The following SYT16 variants were observed in gnomAD, a reference collection of about 807,000 sequenced individuals.
SYT16 encodes the protein synaptotagmin 16, also known as synaptotagmin-16.
Under a neutral mutation model 61.4 loss-of-function variants are expected in SYT16, and 42 were observed. That is an observed-to-expected ratio of 0.68 (90% CI 0.53 to 0.89). SYT16 has a LOEUF of 0.89. Ranked by LOEUF, SYT16 falls within the 40% of genes least tolerant of loss-of-function variation. The pLI is 0.00. For missense variants in SYT16, 804 were observed against 807.3 expected (o/e 1.00, Z 0.05); for synonymous variants, 314 against 302.3 (o/e 1.04, Z -0.40).
chr14:61,841,557 GC>G (rs1289609594), intron 1 of SYT16, among the ~76,000 whole-genome samples: 1 of 152,120 alleles, frequency 6.6e-6, no homozygotes, highest in Non-Finnish European at 1.5e-5. Flanking sequence ...GGGTATATGT[GC>G]CTGTTACATG....
At chr14:62,098,753 TGCAGACAAATAG>T (rs1455369934) in intron 7 of SYT16, among the ~76,000 whole-genome samples, 2 of 152,220 alleles carry the variant, frequency 1.3e-5, no homozygotes, top group Non-Finnish European at 1.5e-5. Context: ...ACTGCATCTT[TGCAGACAAATAG>T]GCAGCGATAA....
intron 1 of SYT16, among the ~76,000 whole-genome samples, chr14:61,906,428 A>G (rs544974122): frequency 6.6e-6 from 1 of 152,248 alleles, no homozygotes; most frequent in Non-Finnish European, 1.5e-5. Flanking sequence ...GAATATTCTT[A>G]GGGCTCTGTA....
chr14:62,003,091 A>G (rs1271503594), intron 3 of SYT16, among the ~76,000 whole-genome samples: 1 of 152,080 alleles, frequency 6.6e-6, no homozygotes, highest in African/African-American at 2.4e-5. Context: ...ACTGCAATTC[A>G]AGATGAGATT....
chr14:61,817,024 C>G (rs1156968128), intron 1 of SYT16, among the ~76,000 whole-genome samples: 1 of 142,310 alleles, frequency 7.0e-6, no homozygotes, highest in Non-Finnish European at 1.5e-5. Context: ...CACACACACA[C>G]ACACAAAAAA....
At position 62,084,327 on chromosome 14, in the gene SYT16, A is replaced by G. The variant is rs1204885984; in HGVS notation, c.1566A>G (p.Leu522=). The stretch of plus-strand genomic sequence containing the variant: ...CGTACAATGCCACAACGGGGCGATT[A>G]TCTGTGGAAATGATCAAAGGCAGCC... ...GLSYNATTGR[L]SVEMIKGSHF... Residue 522 remains leucine, a synonymous_variant, in exon 7 of 8, where the codon TTA becomes TTG. Coordinates refer to ENST00000683842, the MANE Select transcript of SYT16 (RefSeq NM_001367656.1). 1.9e-6 allele frequency: 3 copies of G among 1,613,396 alleles called. No homozygotes were observed. The African/African-American group carries it at 4.0e-5, about 22-fold the overall frequency.
Position 62,100,509 on chromosome 14 carries a change from G to T in SYT16, c.1740G>T (p.Gln580His). ...NPVYKETFVF[Q>H]VALFQLSDVT... ...TCTATAAGGAGACCTTTGTTTTCCA[G>T]GTGGCCCTCTTTCAGCTGTCTGATG... is the stretch of plus-strand genomic sequence containing the variant. Residue 580 changes from glutamine to histidine, a missense_variant, in exon 8 of 8, where the codon CAG becomes CAT. Coordinates refer to ENST00000683842, the MANE Select transcript of SYT16 (RefSeq NM_001367656.1). The T allele has an allele frequency of 2.5e-6, 4 of 1,613,750 alleles. No homozygotes were observed. Among genetic ancestry groups the T allele is most frequent in the Non-Finnish European group, 3.4e-6 (4 of 1,179,822 alleles).
intron 1 of SYT16, among the ~76,000 whole-genome samples, chr14:61,880,577 TC>T (rs2047665305): frequency 6.6e-6 from 1 of 152,218 alleles, no homozygotes; most frequent in Non-Finnish European, 1.5e-5. Context: ...CACTGCAAAA[TC>T]AAATCTTCCT....
chr14:61,956,870 A>ATTAAATCTATAGATTTTTT (rs2050897641), intron 1 of SYT16, among the ~76,000 whole-genome samples: 1 of 151,730 alleles, frequency 6.6e-6, no homozygotes, highest in South Asian at 2.1e-4. Flanking sequence ...CAGGGATTGC[A>ATTAAATCTATAGATTTTTT]TTAAATCTAT....
chr14:62,065,502 C>T (rs1053037611), intron 3 of SYT16, among the ~76,000 whole-genome samples: 2 of 151,798 alleles, frequency 1.3e-5, no homozygotes, highest in East Asian at 1.9e-4. Context: ...CAATGGCTCA[C>T]TGAAAAAAAA....
chr14:61,876,227 C>A (rs2047486201), intron 1 of SYT16, among the ~76,000 whole-genome samples: 1 of 152,194 alleles, frequency 6.6e-6, no homozygotes, highest in Non-Finnish European at 1.5e-5. Flanking sequence ...TGCTAACATA[C>A]ATATAAAATC....
At chr14:62,060,214 A>G (rs1239464494) in intron 3 of SYT16, among the ~76,000 whole-genome samples, 1 of 152,100 alleles carries the variant, frequency 6.6e-6, no homozygotes, top group African/African-American at 2.4e-5. Context: ...TCTTAACAAT[A>G]TTGAGTCCTC....
intron 1 of SYT16, among the ~76,000 whole-genome samples, chr14:61,873,474 C>T (rs528554895): frequency 5.7e-4 from 87 of 152,320 alleles, no homozygotes; most frequent in African/African-American, 1.9e-3. Context: ...TGGCCCCTTC[C>T]TTCGTACTTA....
intron 3 of SYT16, among the ~76,000 whole-genome samples, chr14:62,049,770 A>C (rs2055182811): frequency 6.6e-6 from 1 of 152,136 alleles, no homozygotes; most frequent in African/African-American, 2.4e-5. Context: ...TTCTGGGTTG[A>C]AAATTCTTTA....
intron 7 of SYT16, among the ~76,000 whole-genome samples, chr14:62,085,389 G>C (rs894533526): frequency 6.6e-6 from 1 of 152,184 alleles, no homozygotes; most frequent in Non-Finnish European, 1.5e-5. Context: ...AGTCTTTTGA[G>C]TCAGGAAGGT....
chr14:61,837,623 G>A (rs768578382), intron 1 of SYT16, among the ~76,000 whole-genome samples: 1 of 152,046 alleles, frequency 6.6e-6, no homozygotes, highest in Non-Finnish European at 1.5e-5. Flanking sequence ...CTAGAAGATG[G>A]GTACATTAAT....
At chr14:61,851,372 C>T (rs986790469) in intron 1 of SYT16, among the ~76,000 whole-genome samples, 1 of 152,150 alleles carries the variant, frequency 6.6e-6, no homozygotes, top group African/African-American at 2.4e-5. Flanking sequence ...AATGAACATA[C>T]GTATGCAGGT....
intron 3 of SYT16, among the ~76,000 whole-genome samples, chr14:62,052,350 G>A (rs1391001732): frequency 1.3e-5 from 2 of 152,084 alleles, no homozygotes; most frequent in African/African-American, 2.4e-5. Flanking sequence ...TAAAAATGTG[G>A]TTTCTGGTTT....
At chr14:62,040,057 T>C (rs1595231066) in intron 3 of SYT16, among the ~76,000 whole-genome samples, 1 of 152,148 alleles carries the variant, frequency 6.6e-6, no homozygotes, top group Non-Finnish European at 1.5e-5. Context: ...TGTGTTGGCT[T>C]CTTTCTTAGG....
chr14:61,947,550 C>A (rs2050496138), intron 1 of SYT16, among the ~76,000 whole-genome samples: 1 of 152,090 alleles, frequency 6.6e-6, no homozygotes. Context: ...TCATTCCATA[C>A]TCTTATTCAG....
Sources: gnomAD v4.1 joint callset for allele counts (sites outside exome capture counted in the v4.1 genomes callset) on GRCh38, gnomAD v4.1.1 for gene constraint, MANE v1.5 for transcripts, NCBI Gene and HGNC (gene_info 2026-07-23, HGNC 2026-07-21) for gene names.